USP25: variants seen among roughly 807,000 people sequenced by gnomAD.
The protein encoded by USP25 is ubiquitin carboxyl-terminal hydrolase 25.
In USP25, 85 loss-of-function variants were observed where a neutral mutation model predicts 158.5. That is an observed-to-expected ratio of 0.54 (90% CI 0.45 to 0.64). The LOEUF (loss-of-function observed/expected upper bound fraction) is 0.64. Ranked by LOEUF, USP25 falls within the 30% of genes least tolerant of loss-of-function variation. The probability of loss-of-function intolerance (pLI) is 0.00; values close to 1 mark genes in which losing one functional copy is unlikely to be tolerated. For synonymous variants in USP25, 464 were observed against 460.4 expected (o/e 1.01, Z -0.10); for missense variants, 1,242 against 1,327.3 (o/e 0.94, Z 1.00).
At chr21:15,767,389 T>A (rs969659529) in intron 3 of USP25, among the ~76,000 whole-genome samples, 4 of 152,152 alleles carry the variant, frequency 2.6e-5, no homozygotes, top group African/African-American at 9.6e-5. Flanking sequence ...GGCCTCTAGC[T>A]AGGACCAAGT....
intron 1 of USP25, among the ~76,000 whole-genome samples, chr21:15,733,561 C>G (rs1205474572): frequency 1.3e-5 from 2 of 151,952 alleles, no homozygotes; most frequent in Non-Finnish European, 2.9e-5. Context: ...ATGACACCTG[C>G]CAGGAGTGGT....
intron 1 of USP25, among the ~76,000 whole-genome samples, chr21:15,751,160 A>C (rs1230033047): frequency 6.6e-6 from 1 of 152,098 alleles, no homozygotes; most frequent in Non-Finnish European, 1.5e-5. Context: ...AGACTCTGAG[A>C]GATTGGGTTC....
intron 19 of USP25, 99 bp downstream of exon 19, chr21:15,847,875 C>A: frequency 3.1e-6 from 2 of 653,286 alleles, no homozygotes; most frequent in South Asian, 2.7e-5. Flanking sequence ...TGTCTATTGC[C>A]ACATAACATA....
intron 4 of USP25, among the ~76,000 whole-genome samples, chr21:15,785,470 T>A (rs1355024660): frequency 6.6e-6 from 1 of 152,212 alleles, no homozygotes; most frequent in African/African-American, 2.4e-5. Context: ...TGGTATCAAG[T>A]ATTTTACCAG....
chr21:15,841,257 C>G (rs539559851), intron 17 of USP25, among the ~76,000 whole-genome samples: 4 of 152,116 alleles, frequency 2.6e-5, no homozygotes, highest in African/African-American at 9.6e-5. Flanking sequence ...ATTTTGTGTC[C>G]CCCTGTTGCT....
rs1340684118 is a variant in USP25 at position 15,766,619 on chromosome 21, CAAAAGAAAAAAAG to C, written c.268+488_268+500del. ...TTGTGTAATGAAATTGCCTTTCATC[CAAAAGAAAAAAAG>C]AAAAGAAAACTTGGAAAAAGTGTTT... On this transcript the variant is annotated intron_variant, in intron 3 of 25. Transcript: ENST00000400183. This position sits in a 1 kb window ranked among gnomAD's most constrained non-coding sequence, Gnocchi z 4.0. Among the ~76,000 whole-genome samples the C allele has an allele frequency of 6.6e-6, 1 of 151,234 alleles. No individual in the cohort carries two copies. Among genetic ancestry groups the C allele is most frequent in the Admixed American group, 6.6e-5 (1 of 15,196 alleles).
chr21:15,777,404 T>G (rs1264031719), intron 3 of USP25, among the ~76,000 whole-genome samples: 1 of 151,956 alleles, frequency 6.6e-6, no homozygotes, highest in Non-Finnish European at 1.5e-5. Flanking sequence ...ATTTAAAAAA[T>G]GTATGTGTAA....
At chr21:15,784,991 C>T (rs1276152078) in intron 4 of USP25, among the ~76,000 whole-genome samples, 1 of 147,046 alleles carries the variant, frequency 6.8e-6, no homozygotes, top group African/African-American at 2.5e-5. Flanking sequence ...AAAGACCCAA[C>T]TGTATGTTGC....
At chr21:15,804,889 T>C (rs944135488) in intron 6 of USP25, among the ~76,000 whole-genome samples, 4 of 152,140 alleles carry the variant, frequency 2.6e-5, no homozygotes, top group African/African-American at 9.6e-5. Flanking sequence ...GTGGCATTCA[T>C]GCTGAAATTG....
Position 15,818,094 on chromosome 21 carries a change from A to T in USP25, c.932-604A>T, listed in dbSNP as rs181111171. 1.3e-4 allele frequency among the ~76,000 whole-genome samples: 20 copies of T among 152,200 alleles called. No homozygotes were observed. In the East Asian group the frequency reaches 3.5e-3, roughly 26 times the overall value. ...TTCATCATGCTGTTCCATGGCCAAG[A>T]ATACTCTATAGTCCCCCAGCACTCT... On this transcript the variant is annotated intron_variant, in intron 9 of 25. Coordinates refer to ENST00000400183, the MANE Select transcript of USP25 (RefSeq NM_001283041.3).
intron 14 of USP25, among the ~76,000 whole-genome samples, chr21:15,827,979 A>T (rs1171675953): frequency 6.6e-6 from 1 of 151,938 alleles, no homozygotes; most frequent in Non-Finnish European, 1.5e-5. Context: ...TTTTCCTTAA[A>T]TGTGAAAATA....
intron 23 of USP25, among the ~76,000 whole-genome samples, chr21:15,870,360 C>T (rs774283782): frequency 2.0e-4 from 31 of 152,068 alleles, no homozygotes; most frequent in Non-Finnish European, 3.7e-4. Context: ...TTTAAAACTC[C>T]GTAAGGTTGG....
intron 20 of USP25, among the ~76,000 whole-genome samples, chr21:15,853,721 A>G (rs887325151): frequency 5.3e-5 from 8 of 151,546 alleles, no homozygotes; most frequent in African/African-American, 1.7e-4. Flanking sequence ...GTGTTTTTCT[A>G]TTTTGTGCTG....
chr21:15,857,370 G>A (rs1168128261), intron 20 of USP25, among the ~76,000 whole-genome samples: 1 of 152,108 alleles, frequency 6.6e-6, no homozygotes, highest in Non-Finnish European at 1.5e-5. Context: ...ACAAGTCAAA[G>A]TGCTTGCAAA....
At chr21:15,834,054 A>AT (rs1377364954) in intron 17 of USP25, among the ~76,000 whole-genome samples, 2 of 152,346 alleles carry the variant, frequency 1.3e-5, no homozygotes, top group African/African-American at 4.8e-5. Flanking sequence ...AATTCTTAAG[A>AT]TTAAGAGAAA....
intron 1 of USP25, among the ~76,000 whole-genome samples, chr21:15,737,130 A>G (rs1178116199): frequency 6.6e-6 from 1 of 152,042 alleles, no homozygotes; most frequent in African/African-American, 2.4e-5. Flanking sequence ...TGGATTTTAT[A>G]CGTCACTTAT....
intron 4 of USP25, among the ~76,000 whole-genome samples, chr21:15,781,400 T>G (rs1180282902): frequency 6.6e-6 from 1 of 152,170 alleles, no homozygotes; most frequent in Non-Finnish European, 1.5e-5. Context: ...TTTATTCTGT[T>G]CATCTCATTG....
At chr21:15,839,623 C>A (rs1293026333) in intron 17 of USP25, among the ~76,000 whole-genome samples, 2 of 152,042 alleles carry the variant, frequency 1.3e-5, no homozygotes, top group Non-Finnish European at 2.9e-5. Context: ...CCACATTTTT[C>A]TTGTTTGTTC....
At chr21:15,872,083 T>TAACA (rs1228617669) in intron 23 of USP25, among the ~76,000 whole-genome samples, 4 of 150,326 alleles carry the variant, frequency 2.7e-5, no homozygotes. Context: ...GCTAGCTGTT[T>TAACA]GTAAAATATT....
Sources: gnomAD v4.1 joint callset for allele counts (sites outside exome capture counted in the v4.1 genomes callset) on GRCh38, gnomAD v4.1.1 for gene constraint, Gnocchi (gnomAD v3.1) non-coding constraint, MANE v1.5 for transcripts, NCBI Gene and HGNC (gene_info 2026-07-23, HGNC 2026-07-21) for gene names.